Variants in KAZN observed in about 807,000 individuals in gnomAD.
KAZN encodes the protein kazrin.
A neutral mutation model predicts 87.4 loss-of-function variants in KAZN; 40 were observed. The ratio of observed to expected loss-of-function variants is 0.46; its 90% CI spans 0.36 to 0.60. The LOEUF (loss-of-function observed/expected upper bound fraction) is 0.60, where lower values mean the gene tolerates loss of function less well. Ranked by LOEUF, KAZN falls within the 20% of genes least tolerant of loss-of-function variation. The probability of loss-of-function intolerance (pLI) is 0.00; values close to 1 mark genes in which losing one functional copy is unlikely to be tolerated. For synonymous variants in KAZN, 466 were observed against 458.3 expected, an observed-to-expected ratio of 1.02 and a Z score of -0.22; for missense variants, 898 against 1,073.9, an observed-to-expected ratio of 0.84 and a Z score of 2.29.
chr1:14,533,652 G>T (rs1355296817), intron 2 of KAZN, among the ~76,000 whole-genome samples: 1 of 152,084 alleles, frequency 6.6e-6, no homozygotes, highest in East Asian at 1.9e-4. Flanking sequence ...CATCCCGTTT[G>T]CTCCTTGCTT....
intron 1 of KAZN, among the ~76,000 whole-genome samples, chr1:14,736,297 G>A (rs11578083): frequency 0.01 from 949 of 93,736 alleles, 4 homozygotes; most frequent in East Asian, 0.05. Context: ...GTGTGTGTGT[G>A]TGTATATTTT....
At chr1:14,054,633 G>GA (rs1642475555) in intron 1 of KAZN, among the ~76,000 whole-genome samples, 1 of 152,198 alleles carries the variant, frequency 6.6e-6, no homozygotes, top group Non-Finnish European at 1.5e-5. Flanking sequence ...TAAGGACCTG[G>GA]AAAATGATAC....
At chr1:14,982,873 C>A (rs1036828505) in intron 2 of KAZN, among the ~76,000 whole-genome samples, 1 of 152,156 alleles carries the variant, frequency 6.6e-6, no homozygotes, top group African/African-American at 2.4e-5. Flanking sequence ...GCCTGCCATG[C>A]GAAGCGCAGG....
chr1:14,246,261 C>T (rs573808855), intron 2 of KAZN, among the ~76,000 whole-genome samples: 2 of 152,154 alleles, frequency 1.3e-5, no homozygotes, highest in South Asian at 2.1e-4. Context: ...ATGGGTGCAG[C>T]GGACCACCAT....
rs1640850859 is a variant in KAZN, at chr1:15,097,437, C to T, written c.1547+2504C>T. Among the ~76,000 whole-genome samples, 3 of 152,202 alleles carry T rather than the reference C, an allele frequency of 2.0e-5. No homozygotes were observed. In the South Asian group the frequency reaches 6.2e-4, roughly 32 times the overall value. Reference sequence around the variant, plus strand: ...AAATACCAATGACAAAACCCACCAACCCCTTACCAACCCATCATCACCTTA... The same window carrying T: ...AAATACCAATGACAAAACCCACCAATCCCTTACCAACCCATCATCACCTTA... On this transcript the variant is annotated intron_variant, in intron 10 of 14. Transcript: ENST00000376030.
At chr1:14,123,260 C>CT (rs1045320333) in intron 1 of KAZN, among the ~76,000 whole-genome samples, 19 of 151,634 alleles carry the variant, frequency 1.3e-4, no homozygotes, top group Middle Eastern at 3.2e-3. Context: ...AGAGGCATGA[C>CT]TTTTTTTTTA....
chr1:14,818,681 G>A (rs1646647871), intron 1 of KAZN, among the ~76,000 whole-genome samples: 1 of 152,206 alleles, frequency 6.6e-6, no homozygotes, highest in South Asian at 2.1e-4. Flanking sequence ...CTCATTGCAG[G>A]GAAGGAGCAG....
At chr1:15,079,593 G>C (rs1047445348) in intron 8 of KAZN, among the ~76,000 whole-genome samples, 2 of 152,242 alleles carry the variant, frequency 1.3e-5, no homozygotes, top group East Asian at 3.9e-4. Flanking sequence ...AGATGCACAC[G>C]TGCCCGGCCT....
chr1:14,335,883 G>A (rs2100888338), intron 2 of KAZN, among the ~76,000 whole-genome samples: 1 of 152,256 alleles, frequency 6.6e-6, no homozygotes, highest in East Asian at 1.9e-4. Context: ...ATGGCACAAT[G>A]GAAAGAATAC....
At chr1:14,202,134 C>T (rs1210574135) in intron 2 of KAZN, among the ~76,000 whole-genome samples, 1 of 152,158 alleles carries the variant, frequency 6.6e-6, no homozygotes, top group Non-Finnish European at 1.5e-5. Context: ...AGATGGGGGT[C>T]AGTAATCAAC....
intron 2 of KAZN, among the ~76,000 whole-genome samples, chr1:14,222,345 G>A (rs1269808884): frequency 1.3e-5 from 2 of 152,194 alleles, no homozygotes; most frequent in African/African-American, 4.8e-5. Flanking sequence ...CAGAAATCAA[G>A]AGCCTCTTTC....
intron 2 of KAZN, among the ~76,000 whole-genome samples, chr1:14,557,719 C>T (rs1029960643): frequency 6.6e-6 from 1 of 151,062 alleles, no homozygotes; most frequent in Admixed American, 6.6e-5. Flanking sequence ...AATTGGCTCA[C>T]ATGACTAAGG....
chr1:14,413,572 G>A (rs528320264), intron 2 of KAZN, among the ~76,000 whole-genome samples: 32 of 116,940 alleles, frequency 2.7e-4, no homozygotes, highest in African/African-American at 8.9e-4. Context: ...CTGGGCAACA[G>A]TGTGAAACTC....
intron 2 of KAZN, among the ~76,000 whole-genome samples, chr1:15,023,407 G>A (rs1670874305): frequency 6.6e-6 from 1 of 152,214 alleles, no homozygotes; most frequent in Admixed American, 6.5e-5. Context: ...ATGGGAGGAA[G>A]TGAGACACGT....
At chr1:14,186,444 C>T (rs1363289283) in intron 2 of KAZN, among the ~76,000 whole-genome samples, 1 of 152,088 alleles carries the variant, frequency 6.6e-6, no homozygotes, top group Non-Finnish European at 1.5e-5. Context: ...CATTACATCT[C>T]AGAAAAGATA....
chr1:14,804,079 C>T (rs1646127187), intron 1 of KAZN, among the ~76,000 whole-genome samples: 1 of 152,214 alleles, frequency 6.6e-6, no homozygotes, highest in Non-Finnish European at 1.5e-5. Flanking sequence ...CAAGCTTTGC[C>T]CCCAGGTCTA....
intron 2 of KAZN, among the ~76,000 whole-genome samples, chr1:14,522,252 T>C (rs1464541916): frequency 6.6e-6 from 1 of 152,180 alleles, no homozygotes; most frequent in Non-Finnish European, 1.5e-5. Flanking sequence ...GAGATGCCTG[T>C]AACTGACCTA....
chr1:14,857,553 A>T (rs1650281404), intron 1 of KAZN, among the ~76,000 whole-genome samples: 1 of 151,316 alleles, frequency 6.6e-6, no homozygotes, highest in Non-Finnish European at 1.5e-5. Context: ...AAATAAATAA[A>T]AGCTGGCACT....
intron 2 of KAZN, among the ~76,000 whole-genome samples, chr1:14,258,218 C>CTTTCTTTCTT (rs539198790): frequency 1.3e-3 from 163 of 126,416 alleles, no homozygotes; most frequent in African/African-American, 4.7e-3. Flanking sequence ...TTCTTTCTTT[C>CTTTCTTTCTT]TTTTTTTTTT....
Sources: allele counts gnomAD v4.1 joint callset (sites outside exome capture counted in the v4.1 genomes callset), GRCh38; gene constraint gnomAD v4.1.1; transcripts MANE v1.5; gene names NCBI Gene and HGNC (gene_info 2026-07-23, HGNC 2026-07-21).